The following CHD3 variants were observed in gnomAD, a reference collection of about 807,000 sequenced individuals.
CHD3 encodes ATP-dependent chromatin remodeler CHD3.
CHD3 carries 52 observed loss-of-function variants against 248.9 expected under a neutral mutation model. The ratio of observed to expected loss-of-function variants is 0.21; its 90% CI spans 0.17 to 0.26. The LOEUF is 0.26. Among genes scored for constraint, CHD3 ranks in the 10% least tolerant of loss-of-function variants. The probability of loss-of-function intolerance (pLI) is 1.00; values close to 1 mark genes in which losing one functional copy is unlikely to be tolerated. For missense variants in CHD3, 1,482 were observed against 2,605.8 expected (o/e 0.57, Z 9.39); for synonymous variants, 985 against 985.2 (o/e 1.00, Z 0.00).
Position 7,899,335 on chromosome 17 carries a change from A to T in CHD3, c.2344-8A>T. The T allele has an allele frequency of 3.7e-6, 6 of 1,613,356 alleles. No individual in the cohort carries two copies. Among genetic ancestry groups the T allele is most frequent in the Non-Finnish European group, 5.1e-6 (6 of 1,179,580 alleles). ...TAGACTTATGCTGCCCCCATTCTTG[A>T]CTCCCAGGGCCACACAAAAGGTCCC... is the stretch of plus-strand genomic sequence containing the variant. On this transcript the variant is annotated splice_region_variant and splice_polypyrimidine_tract_variant and intron_variant, in intron 14 of 39. Coordinates refer to ENST00000330494, the MANE Select transcript of CHD3 (RefSeq NM_001005273.3). This position sits in a 1 kb window ranked among gnomAD's most constrained non-coding sequence, Gnocchi z 6.8.
At chr17:7,896,659 C>T (rs1298258747) in intron 10 of CHD3, among the ~76,000 whole-genome samples, 1 of 151,400 alleles carries the variant, frequency 6.6e-6, no homozygotes, top group African/African-American at 2.4e-5. Context: ...CCTGCCTCTG[C>T]CTCCCAAAGT....
Position 7,910,723 on chromosome 17 carries a change from G to A in CHD3, c.5755-124G>A, listed in dbSNP as rs1971547395. ...GAACACAGTCATCACCCTTGAGTGAGTCTCCCTGCCTGTGTATCCTACCCT... is the reference window on the plus strand; with the variant it reads ...GAACACAGTCATCACCCTTGAGTGAATCTCCCTGCCTGTGTATCCTACCCT... On this transcript the variant is annotated intron_variant, in intron 38 of 39. Coordinates refer to ENST00000330494, the MANE Select transcript of CHD3 (RefSeq NM_001005273.3). The surrounding 1 kb of genome is among the most constrained non-coding windows in gnomAD (Gnocchi z 4.7). The A allele has an allele frequency of 7.3e-6, 11 of 1,503,364 alleles. No individual in the cohort carries two copies. The highest frequency in any genetic ancestry group is 9.9e-6 in the Non-Finnish European group (11 of 1,115,416). The allele number at this position is 1,503,364 out of a possible 1,614,324, so 93.1% of individuals were successfully genotyped here.
Position 7,905,606 on chromosome 17 carries a change from C to T in CHD3, c.4139-15C>T. On this transcript the variant is annotated splice_polypyrimidine_tract_variant and intron_variant, in intron 26 of 39. Coordinates refer to ENST00000330494, the MANE Select transcript of CHD3 (RefSeq NM_001005273.3). This position sits in a 1 kb window ranked among gnomAD's most constrained non-coding sequence, Gnocchi z 5.8. ...AGGTGGTGGCTCAGCTAACTGATGT[C>T]ATCCCCACCCTCAGGGCGTAGACAG... 2 of 1,565,488 alleles carry T rather than the reference C, an allele frequency of 1.3e-6. No homozygotes were observed. Among genetic ancestry groups the T allele is most frequent in the Non-Finnish European group, 1.7e-6 (2 of 1,153,090 alleles).
chr17:7,903,487 C>T lies in CHD3; in HGVS notation c.3711C>T (p.Phe1237=), dbSNP rs758631878. ...DILKFGTEEL[F]KDENEGENKE... is the part of the protein sequence containing the mutation. Reference sequence around the variant, plus strand: ...TCAAATTTGGCACTGAAGAGCTATTCAAGGATGAAAACGAGGGTGAGAACC... The same window carrying T: ...TCAAATTTGGCACTGAAGAGCTATTTAAGGATGAAAACGAGGGTGAGAACC... Residue 1237 remains phenylalanine (F), a synonymous_variant, in exon 23 of 40, where the codon TTC becomes TTT. Transcript: ENST00000330494. This position sits in a 1 kb window ranked among gnomAD's most constrained non-coding sequence, Gnocchi z 6.8. 10 of 1,613,532 alleles carry T rather than the reference C, an allele frequency of 6.2e-6. No homozygotes were observed. The highest frequency in any genetic ancestry group is 1.3e-5 in the African/African-American group (1 of 74,902).
upstream of CHD3, chr17:7,884,950 C>T (rs765541522): frequency 7.5e-6 from 10 of 1,328,860 alleles, no homozygotes; most frequent in Non-Finnish European, 8.8e-6. Context: ...AGGACGACGA[C>T]GAGGGAGTAC....
At position 7,911,273 on chromosome 17, in the gene CHD3, G is replaced by A. The variant is rs1971622760; in HGVS notation, c.5882-191G>A. On this transcript the variant is annotated intron_variant, in intron 39 of 39. Transcript: ENST00000330494. The surrounding 1 kb of genome is among the most constrained non-coding windows in gnomAD (Gnocchi z 5.4). ...TATGAAACCCGAGGGGTTAGAGAGT[G>A]GGAACATGTGTTCAATCATGTAGCA... is the stretch of plus-strand genomic sequence containing the variant. Among the ~76,000 whole-genome samples, 1 of 152,194 alleles carries A rather than the reference G, an allele frequency of 6.6e-6. No homozygotes were observed. Among genetic ancestry groups the A allele is most frequent in the African/African-American group, 2.4e-5 (1 of 41,436 alleles).
chr17:7,891,004 T>G lies in CHD3; in HGVS notation c.449T>G (p.Val150Gly). 1 of 1,613,932 alleles carries G rather than the reference T, an allele frequency of 6.2e-7. No individual in the cohort carries two copies. ...TGGGGCCTGGAGGATGTGGAGCATG[T>G]GTTCTCTGAGGAGGATTACCACACG... ...LTWGLEDVEH[V>G]FSEEDYHTLT... Residue 150 changes from valine (V) to glycine (G), a missense_variant, in exon 4 of 40, where the codon GTG (valine) becomes GGG (glycine). Around this residue, in one of 20 missense-constraint regions of CHD3, gnomAD observed 30 missense variants for 83.5 expected, o/e 0.36. Transcript: ENST00000330494.
chr17:7,885,016 C>T (rs1967533864), upstream of CHD3: 2 of 1,216,792 alleles, frequency 1.6e-6, no homozygotes, highest in Non-Finnish European at 2.0e-6. Context: ...CCCCCGGCTG[C>T]CACCTCTTCC....
At chr17:7,892,479 G>A (rs1043909932) in intron 4 of CHD3, among the ~76,000 whole-genome samples, 1 of 148,858 alleles carries the variant, frequency 6.7e-6, no homozygotes, top group African/African-American at 2.5e-5. Flanking sequence ...GTTTTATTTC[G>A]CTGTTTTTTA....
In CHD3 at chr17:7,907,983, C is replaced by T. The variant is rs903965338; in HGVS notation, c.5116C>T (p.Arg1706Trp). ...ACGAGAGGAAAAGACAGAGAAGCCC[C>T]GGTTCATGTTCAATATCGCCGATGG... ...GRREEKTEKP[R>W]FMFNIADGGF... Residue 1706 changes from arginine to tryptophan, a missense_variant, in exon 34 of 40, where the codon CGG becomes TGG. By Grantham distance (101) the Arg-to-Trp change is moderately radical. This residue lies in a region of CHD3 where 254 missense variants were observed against 266.7 expected (regional missense o/e 0.95). Coordinates refer to ENST00000330494, the MANE Select transcript of CHD3 (RefSeq NM_001005273.3). The surrounding 1 kb of genome is among the most constrained non-coding windows in gnomAD (Gnocchi z 4.3). 14 of 1,611,072 alleles carry T rather than the reference C, an allele frequency of 8.7e-6. No individual in the cohort carries two copies. The highest frequency in any genetic ancestry group is 2.2e-5 in the East Asian group (1 of 44,788).
chr17:7,885,291 CCCGCCGCACCCCTCCCCCG>C, upstream of CHD3: 1 of 192,398 alleles, frequency 5.2e-6, no homozygotes, highest in Non-Finnish European at 8.9e-6. Context: ...CCTCCCCTCC[CCCGCCGCACCCCTCCCCCG>C]CCGCCGCCGC....
chr17:7,901,345 G>C lies in CHD3; in HGVS notation c.3222G>C (p.Glu1074Asp). ...AGAAGATGCTGCGAAAGCTGAAGGA[G>C]CAAGGACACCGAGTGCTCATCTTCT... ...LLQKMLRKLK[E>D]QGHRVLIFSQ... is the part of the protein sequence containing the mutation. The change falls in exon 20 of 40, where the codon GAG (glutamate) becomes GAC (aspartate). Residue 1074 changes from glutamate (E) to aspartate (D), a missense_variant. By Grantham distance (45) the Glu-to-Asp change is conservative. Coordinates refer to ENST00000330494, the MANE Select transcript of CHD3 (RefSeq NM_001005273.3). The C allele has an allele frequency of 6.2e-7, 1 of 1,613,444 alleles. No individual in the cohort carries two copies. Among genetic ancestry groups the C allele is most frequent in the Non-Finnish European group, 8.5e-7 (1 of 1,179,630 alleles).
Position 7,903,091 on chromosome 17 carries a change from C to T in CHD3, c.3495+30C>T. On this transcript the variant is annotated intron_variant, in intron 22 of 39. Transcript: ENST00000330494. The surrounding 1 kb of genome is among the most constrained non-coding windows in gnomAD (Gnocchi z 6.8). Reference sequence around the variant, plus strand: ...GAACTCGCATCCTAGAACCCCTGCACCATTTAGCAAGGAGATGTGGGTTCA... The same window carrying T: ...GAACTCGCATCCTAGAACCCCTGCATCATTTAGCAAGGAGATGTGGGTTCA... The T allele has an allele frequency of 6.2e-7, 1 of 1,604,404 alleles. No individual in the cohort carries two copies. Among genetic ancestry groups the T allele is most frequent in the South Asian group, 1.1e-5 (1 of 90,654 alleles).
Position 7,911,010 on chromosome 17 carries a change from T to C in CHD3, c.5881+37T>C. 1 of 1,609,486 alleles carries C rather than the reference T, an allele frequency of 6.2e-7. No individual in the cohort carries two copies. The highest frequency in any genetic ancestry group is 8.5e-7 in the Non-Finnish European group (1 of 1,178,660). ...TTTTCCTACCCCCTGCTACTCACAC[T>C]CCTCCTTTGCCAAACTTTATTTCTG... On this transcript the variant is annotated intron_variant, in intron 39 of 39. Transcript: ENST00000330494. This position sits in a 1 kb window ranked among gnomAD's most constrained non-coding sequence, Gnocchi z 5.4.
chr17:7,888,817 G>C lies in CHD3; in HGVS notation c.-184G>C. Reference sequence around the variant, plus strand: ...TCTTTGTTTGGGTCTCCCATACTGCGTATAGATGAATGGGTCAGGATATCT... The same window carrying C: ...TCTTTGTTTGGGTCTCCCATACTGCCTATAGATGAATGGGTCAGGATATCT... On this transcript the variant is annotated 5_prime_UTR_variant, in exon 1 of 40. Transcript: ENST00000330494. 1.4e-6 allele frequency: 2 copies of C among 1,440,616 alleles called. No homozygotes were observed. The highest frequency in any genetic ancestry group is 1.8e-6 in the Non-Finnish European group (2 of 1,102,086). 89.2% of individuals were successfully genotyped at this position (1,440,616 alleles called of 1,614,324 possible). A position where few individuals can be genotyped will look rare whatever the true frequency, so the allele number is the denominator to read the frequency against.
chr17:7,885,064 G>GCCA, upstream of CHD3: 1 of 984,174 alleles, frequency 1.0e-6, no homozygotes, highest in Non-Finnish European at 1.2e-6. Flanking sequence ...TGCCCCCGCC[G>GCCA]CCGCCGCCCC....
At chr17:7,901,103 C>T in intron 19 of CHD3, 110 bp downstream of exon 19, 1 of 1,513,598 alleles carries the variant, frequency 6.6e-7, no homozygotes, top group East Asian at 2.3e-5. Context: ...GGCTGGAAGG[C>T]CACGGACTGG....
In CHD3 at chr17:7,906,724, A is replaced by G; in HGVS notation, c.4503+27A>G. ...TATCAGTCTTCCTGTCACCCAAAGA[A>G]TCAAGCTGGCTGCCTAGTCTCTGTC... is the stretch of plus-strand genomic sequence containing the variant. On this transcript the variant is annotated intron_variant, in intron 29 of 39. Transcript: ENST00000330494. The surrounding 1 kb of genome is among the most constrained non-coding windows in gnomAD (Gnocchi z 5.0). 2.5e-6 allele frequency: 4 copies of G among 1,588,584 alleles called. No individual in the cohort carries two copies. Among genetic ancestry groups the G allele is most frequent in the Non-Finnish European group, 3.4e-6 (4 of 1,165,958 alleles).
chr17:7,900,836 C>T lies in CHD3; in HGVS notation c.2979-16C>T. On this transcript the variant is annotated splice_polypyrimidine_tract_variant and intron_variant, in intron 18 of 39. Transcript: ENST00000330494. This position sits in a 1 kb window ranked among gnomAD's most constrained non-coding sequence, Gnocchi z 6.5. ...CTTTATTTATGTTTCTTTTACACCCCTTTCCTGGCCTTTAGGAAATACTAC... is the reference window on the plus strand; with the variant it reads ...CTTTATTTATGTTTCTTTTACACCCTTTTCCTGGCCTTTAGGAAATACTAC... 6.2e-7 allele frequency: 1 copy of T among 1,613,590 alleles called. No individual in the cohort carries two copies. Among genetic ancestry groups the T allele is most frequent in the Non-Finnish European group, 8.5e-7 (1 of 1,179,756 alleles).
Sources: gnomAD v4.1 joint callset for allele counts (sites outside exome capture counted in the v4.1 genomes callset) on GRCh38, gnomAD v4.1.1 for gene constraint, gnomAD v4.1.1 regional missense constraint, Gnocchi (gnomAD v3.1) non-coding constraint, MANE v1.5 for transcripts, NCBI Gene and HGNC (gene_info 2026-07-23, HGNC 2026-07-21) for gene names.